The following MAPT variants were observed in gnomAD, a reference collection of about 807,000 sequenced individuals.
MAPT encodes the protein microtubule associated protein tau, also known as microtubule-associated protein tau.
In MAPT, 34 loss-of-function variants were observed where a neutral mutation model predicts 67.9. That is an observed-to-expected ratio of 0.50 (90% CI 0.38 to 0.67). The LOEUF (loss-of-function observed/expected upper bound fraction) is 0.67. Among genes scored for constraint, MAPT ranks in the 30% least tolerant of loss-of-function variants. The pLI is 0.00. For synonymous variants in MAPT, 456 were observed against 464.5 expected (o/e 0.98, Z 0.23); for missense variants, 881 against 1,115.2 (o/e 0.79, Z 2.99).
chr17:45,931,313 G>T (rs538918650), intron 1 of MAPT, among the ~76,000 whole-genome samples: 1 of 152,216 alleles, frequency 6.6e-6, no homozygotes, highest in African/African-American at 2.4e-5. Flanking sequence ...TGTAATAATG[G>T]CCAGAAAAGA....
intron 2 of MAPT, among the ~76,000 whole-genome samples, chr17:45,964,697 A>G (rs1262328186): frequency 2.0e-5 from 3 of 151,584 alleles, no homozygotes; most frequent in Non-Finnish European, 2.9e-5. Context: ...TAATAATAAT[A>G]AATAAATCCT....
intron 1 of MAPT, among the ~76,000 whole-genome samples, chr17:45,926,965 A>G (rs540862573): frequency 2.3e-3 from 341 of 150,790 alleles, no homozygotes; most frequent in African/African-American, 7.7e-3. Context: ...GTGTATATAT[A>G]TACATATATG....
chr17:45,903,841 TTATATA>T (rs1161808712), intron 1 of MAPT, among the ~76,000 whole-genome samples: 14 of 52,482 alleles, frequency 2.7e-4, no homozygotes, highest in African/African-American at 5.2e-4. Flanking sequence ...ATTATATATT[TTATATA>T]TTATATATTA....
rs1598270979 is a variant in MAPT at position 45,983,046 on chromosome 17, C to G, written c.467C>G (p.Pro156Arg). ...PLTASLPQHR[P>R]VCPAPPPTGG... is the part of the protein sequence containing the mutation. ...ACCGCGAGCCTTCCTCAGCACCGTCCCGTTTGCCCAGCGCCTCCTCCAACA... is the reference window on the plus strand; with the variant it reads ...ACCGCGAGCCTTCCTCAGCACCGTCGCGTTTGCCCAGCGCCTCCTCCAACA... The change falls in exon 5 of 13, where the codon CCC becomes CGC. Residue 156 changes from proline (P) to arginine (R), a missense_variant. Physicochemically the swap from Pro to Arg is moderately radical, Grantham distance 103. Coordinates refer to ENST00000262410, the MANE Select transcript of MAPT (RefSeq NM_001377265.1). 1 of 1,515,768 alleles carries G rather than the reference C, an allele frequency of 6.6e-7. No individual in the cohort carries two copies. Among genetic ancestry groups the G allele is most frequent in the East Asian group, 2.5e-5 (1 of 40,382 alleles). 93.9% of individuals were successfully genotyped at this position (1,515,768 alleles called of 1,614,324 possible). A position where few individuals can be genotyped will look rare whatever the true frequency, so the allele number is the denominator to read the frequency against.
chr17:46,010,527 C>T lies in MAPT; in HGVS notation c.2091+125C>T, dbSNP rs1304446997. On this transcript the variant is annotated intron_variant, in intron 10 of 12. Transcript: ENST00000262410. This position sits in a 1 kb window ranked among gnomAD's most constrained non-coding sequence, Gnocchi z 4.7. ...TTCTTGGGCTCTCAGGATCTGGCTG[C>T]GACCTCTGGGTGAATGTAGCCCGGC... The T allele has an allele frequency of 1.0e-5, 8 of 765,140 alleles. No individual in the cohort carries two copies. Among genetic ancestry groups the T allele is most frequent in the East Asian group, 2.7e-5 (1 of 37,424 alleles). 47.4% of individuals were successfully genotyped at this position (765,140 alleles called of 1,614,324 possible).
At chr17:45,940,236 G>A (rs995205464) in intron 1 of MAPT, among the ~76,000 whole-genome samples, 2 of 152,220 alleles carry the variant, frequency 1.3e-5, no homozygotes, top group Admixed American at 1.3e-4. Context: ...TAATCTGGGT[G>A]TCTTCCGTGA....
chr17:45,964,681 A>AAATAAT (rs1471927466), intron 2 of MAPT, among the ~76,000 whole-genome samples: 1 of 151,334 alleles, frequency 6.6e-6, no homozygotes, highest in Non-Finnish European at 1.5e-5. Flanking sequence ...CCCCCATGTC[A>AAATAAT]AATAATAATA....
intron 1 of MAPT, among the ~76,000 whole-genome samples, chr17:45,907,115 C>T (rs1268432803): frequency 6.6e-6 from 1 of 152,198 alleles, no homozygotes. Context: ...CCAAGCTGGC[C>T]TCGAGCTGCC....
chr17:45,903,951 A>T (rs1404014395), intron 1 of MAPT, among the ~76,000 whole-genome samples: 309 of 10,928 alleles, frequency 0.028, 17 homozygotes, highest in African/African-American at 0.091. Flanking sequence ...TATAATATAT[A>T]TTATATATTA....
chr17:45,918,316 G>A (rs889447185), intron 1 of MAPT, among the ~76,000 whole-genome samples: 2 of 152,114 alleles, frequency 1.3e-5, no homozygotes, highest in Non-Finnish European at 2.9e-5. Flanking sequence ...GCATTTACCT[G>A]TCTCTTCCTG....
intron 4 of MAPT, 159 bp downstream of exon 4, chr17:45,978,599 G>A: frequency 3.2e-6 from 2 of 616,004 alleles, no homozygotes; most frequent in Non-Finnish European, 5.7e-6. Context: ...CTCAGATATA[G>A]AAAGAGCCCT....
chr17:45,944,234 C>T (rs937053327), intron 1 of MAPT, among the ~76,000 whole-genome samples: 9 of 152,156 alleles, frequency 5.9e-5, no homozygotes, highest in Admixed American at 1.3e-4. Flanking sequence ...AGTGACTGGC[C>T]CAGCCTCAAC....
chr17:45,936,331 C>G (rs186647362), intron 1 of MAPT, among the ~76,000 whole-genome samples: 3 of 152,334 alleles, frequency 2.0e-5, no homozygotes, highest in Non-Finnish European at 4.4e-5. Flanking sequence ...TCGCTCCATC[C>G]TGTTTGTGTC....
chr17:45,959,472 G>A (rs184759465), intron 1 of MAPT, among the ~76,000 whole-genome samples: 106 of 152,276 alleles, frequency 7.0e-4, no homozygotes, highest in African/African-American at 2.3e-3. Context: ...CAACAAGCCC[G>A]ATCTTGTTTG....
chr17:45,989,960 C>A lies in MAPT; in HGVS notation c.1490C>A (p.Pro497His). The A allele has an allele frequency of 6.2e-7, 1 of 1,614,180 alleles. No homozygotes were observed. ...PKHPTPGSSDPLIQPSSPAVC... is the reference protein window; with the variant it reads ...PKHPTPGSSDHLIQPSSPAVC... The stretch of plus-strand genomic sequence containing the variant: ...CACCCCACTCCTGGTAGCTCAGACC[C>A]TCTGATCCAACCCTCCAGCCCTGCT... Residue 497 changes from proline to histidine, a missense_variant, in exon 7 of 13, where the codon CCT becomes CAT. Physicochemically the swap from Pro to His is moderately conservative, Grantham distance 77. This residue lies in a region of MAPT where 687 missense variants were observed against 766.1 expected (regional missense o/e 0.90). Transcript: ENST00000262410.
intron 2 of MAPT, among the ~76,000 whole-genome samples, chr17:45,963,099 T>C (rs1391380060): frequency 2.0e-5 from 3 of 152,238 alleles, no homozygotes; most frequent in Non-Finnish European, 1.5e-5. Context: ...ATGTAAAATA[T>C]GTGACTTTAA....
In MAPT at chr17:45,971,902, G is replaced by A. The variant is rs370131551; in HGVS notation, c.177G>A (p.Pro59=). Residue 59 remains proline, a synonymous_variant, in exon 3 of 13, where the codon CCG becomes CCA. Transcript: ENST00000262410. This position sits in a 1 kb window ranked among gnomAD's most constrained non-coding sequence, Gnocchi z 4.3. ...CCACTGAGGACGGATCTGAGGAACC[G>A]GGCTCTGAAACCTCTGATGCTAAGA... The part of the protein sequence containing the change: ...QTPTEDGSEE[P]GSETSDAKST... 58 of 1,613,966 alleles carry A rather than the reference G, an allele frequency of 3.6e-5. No homozygotes were observed. The African/African-American group carries it at 5.3e-4, about 15-fold the overall frequency.
intron 1 of MAPT, among the ~76,000 whole-genome samples, chr17:45,961,349 C>T (rs976210567): frequency 5.9e-5 from 9 of 152,182 alleles, no homozygotes; most frequent in Non-Finnish European, 1.2e-4. Flanking sequence ...CTCTTCAGAT[C>T]CCAAGCCTCA....
chr17:46,024,492 A>C lies in MAPT; in HGVS notation c.*321A>C. On this transcript the variant is annotated 3_prime_UTR_variant, in exon 13 of 13. Coordinates refer to ENST00000262410, the MANE Select transcript of MAPT (RefSeq NM_001377265.1). ...TTTGATTCTTTTTTCTTCCCCCTCCATGTAGAAGAGGGAGAAGGAGAGGCT... is the reference window on the plus strand; with the variant it reads ...TTTGATTCTTTTTTCTTCCCCCTCCCTGTAGAAGAGGGAGAAGGAGAGGCT... 4.7e-6 allele frequency: 2 copies of C among 429,870 alleles called. No homozygotes were observed. Among genetic ancestry groups the C allele is most frequent in the East Asian group, 4.7e-5 (1 of 21,118 alleles). 26.6% of individuals were successfully genotyped at this position (429,870 alleles called of 1,614,324 possible).
Sources: gnomAD v4.1 joint callset for allele counts (sites outside exome capture counted in the v4.1 genomes callset) on GRCh38, gnomAD v4.1.1 for gene constraint, gnomAD v4.1.1 regional missense constraint, Gnocchi (gnomAD v3.1) non-coding constraint, MANE v1.5 for transcripts, NCBI Gene and HGNC (gene_info 2026-07-23, HGNC 2026-07-21) for gene names.